The following USP31 variants were observed in gnomAD, a reference collection of about 807,000 sequenced individuals.
The protein encoded by USP31 is ubiquitin carboxyl-terminal hydrolase 31.
USP31 carries 44 observed loss-of-function variants against 119.4 expected under a neutral mutation model. The observed-to-expected ratio is 0.37, with a 90% CI of 0.29 to 0.47. USP31 has a LOEUF of 0.47. Among genes scored for constraint, USP31 ranks in the 20% least tolerant of loss-of-function variants. The probability of loss-of-function intolerance (pLI) is 0.99; values close to 1 mark genes in which losing one functional copy is unlikely to be tolerated. For missense variants in USP31, 1,643 were observed against 1,730.2 expected, an observed-to-expected ratio of 0.95 and a Z score of 0.89; for synonymous variants, 749 against 705.6, an observed-to-expected ratio of 1.06 and a Z score of -0.97.
At chr16:23,146,995 T>C (rs984216082) in intron 1 of USP31, among the ~76,000 whole-genome samples, 1 of 141,718 alleles carries the variant, frequency 7.1e-6, no homozygotes, top group Admixed American at 7.1e-5. Context: ...GGGTGGGGGG[T>C]GAACAAGAGG....
intron 14 of USP31, 101 bp from the exon 15 acceptor site, chr16:23,072,298 C>T (rs749470566): frequency 7.4e-6 from 11 of 1,481,106 alleles, no homozygotes; most frequent in East Asian, 2.5e-5. Flanking sequence ...AGCTGGGGGG[C>T]GTTGATGTCC....
intron 13 of USP31, 116 bp downstream of exon 13, chr16:23,079,830 G>A: frequency 1.0e-6 from 1 of 956,666 alleles, no homozygotes; most frequent in East Asian, 3.0e-5. Context: ...TGCCCTCACA[G>A]TTGGCACACT....
rs141616545 is a variant in USP31, at chr16:23,136,731, T to C, written c.633+11907A>G. 3.4e-3 allele frequency among the ~76,000 whole-genome samples: 519 copies of C among 152,070 alleles called. 1 individual carries two copies. Among genetic ancestry groups the C allele is most frequent in the Non-Finnish European group, 5.9e-3 (402 of 68,002 alleles). On this transcript the variant is annotated intron_variant, in intron 1 of 15. Coordinates refer to ENST00000219689, the MANE Select transcript of USP31 (RefSeq NM_020718.4). ...TGACAGAGTGGAAGGTAATAGCTGC[T>C]ATTCATATATCTGATAAGAAATTAA...
chr16:23,136,745 A>C (rs1276301734), intron 1 of USP31, among the ~76,000 whole-genome samples: 2 of 152,234 alleles, frequency 1.3e-5, no homozygotes. Context: ...CATATATCTG[A>C]TAAGAAATTA....
At chr16:23,131,285 G>C (rs1015392146) in intron 1 of USP31, among the ~76,000 whole-genome samples, 3 of 152,192 alleles carry the variant, frequency 2.0e-5, no homozygotes, top group Non-Finnish European at 4.4e-5. Flanking sequence ...CTGGGCGACA[G>C]AGCAAGACTG....
At position 23,097,003 on chromosome 16, in the gene USP31, G is replaced by T. The variant is rs1901640742; in HGVS notation, c.1234+5316C>A. 2.6e-5 allele frequency among the ~76,000 whole-genome samples: 4 copies of T among 151,962 alleles called. No homozygotes were observed. In the South Asian group the frequency reaches 8.3e-4, roughly 32 times the overall value. ...AAATAACTAAGATCAGAGGAGAACTGAAAGAGATAGAGACACAAAAAACCC... is the reference window on the plus strand; with the variant it reads ...AAATAACTAAGATCAGAGGAGAACTTAAAGAGATAGAGACACAAAAAACCC... On this transcript the variant is annotated intron_variant, in intron 6 of 15. Coordinates refer to ENST00000219689, the MANE Select transcript of USP31 (RefSeq NM_020718.4).
At chr16:23,069,661 C>T in intron 15 of USP31, 45 bp from the exon 16 acceptor site, 1 of 1,547,932 alleles carries the variant, frequency 6.5e-7, no homozygotes, top group Non-Finnish European at 8.7e-7. Flanking sequence ...CCAATGAAGA[C>T]ATTCTAACAA....
intron 1 of USP31, among the ~76,000 whole-genome samples, chr16:23,116,321 C>G (rs1902483194): frequency 1.3e-5 from 2 of 152,138 alleles, no homozygotes; most frequent in South Asian, 2.1e-4. Context: ...AAAGTGAAAT[C>G]TGGTTTATGG....
intron 6 of USP31, among the ~76,000 whole-genome samples, chr16:23,095,571 G>A (rs562452072): frequency 6.6e-6 from 1 of 152,208 alleles, no homozygotes; most frequent in African/African-American, 2.4e-5. Context: ...TTGAAATGAA[G>A]GAAAAAATGT....
intron 1 of USP31, among the ~76,000 whole-genome samples, chr16:23,144,605 G>A (rs937822921): frequency 2.6e-5 from 4 of 151,860 alleles, no homozygotes; most frequent in Non-Finnish European, 4.4e-5. Flanking sequence ...TCAGCCTCCC[G>A]AGTAGCTGGG....
intron 4 of USP31, 133 bp downstream of exon 4, chr16:23,106,080 G>A (rs551034574): frequency 5.9e-6 from 6 of 1,011,962 alleles, no homozygotes; most frequent in Non-Finnish European, 8.7e-6. Flanking sequence ...TAAGGTTGTA[G>A]CAATGACTGT....
chr16:23,143,847 T>C (rs139578056), intron 1 of USP31, among the ~76,000 whole-genome samples: 1 of 151,536 alleles, frequency 6.6e-6, no homozygotes. Flanking sequence ...GACAACCAAG[T>C]AGGGTTCCAG....
At chr16:23,086,951 A>G (rs1901134719) in intron 9 of USP31, 141 bp downstream of exon 9, 1 of 616,374 alleles carries the variant, frequency 1.6e-6, no homozygotes, top group Non-Finnish European at 2.8e-6. Flanking sequence ...GCACAAATCA[A>G]AAGTAAAATA....
rs766626455 is a variant in USP31, at chr16:23,069,246, C to T, written c.2859G>A (p.Ser953=). 1.6e-5 allele frequency: 26 copies of T among 1,613,894 alleles called. No individual in the cohort carries two copies. The Middle Eastern group carries it at 6.6e-4, about 41-fold the overall frequency. The change falls in exon 16 of 16, where the codon TCG becomes TCA. Residue 953 remains serine, a synonymous_variant. Coordinates refer to ENST00000219689, the MANE Select transcript of USP31 (RefSeq NM_020718.4). ...AVMEGVFKDE[S]DTRRLNSSVV... ...CACTGGAGTTCAATCTGCGGGTGTC[C>T]GATTCGTCTTTGAACACGCCTTCCA...
At chr16:23,101,225 T>G (rs1182760211) in intron 6 of USP31, among the ~76,000 whole-genome samples, 1 of 152,086 alleles carries the variant, frequency 6.6e-6, no homozygotes, top group Non-Finnish European at 1.5e-5. Flanking sequence ...GGCAGTAGAA[T>G]AAAGGGGAAA....
At chr16:23,082,333 C>T in intron 12 of USP31, 105 bp downstream of exon 12, 4 of 1,463,888 alleles carry the variant, frequency 2.7e-6, no homozygotes, top group Admixed American at 1.8e-5. Flanking sequence ...ACAGGACTCA[C>T]TGGATCAAAC....
chr16:23,135,137 T>TAAA (rs71151697), intron 1 of USP31, among the ~76,000 whole-genome samples: 1 of 127,840 alleles, frequency 7.8e-6, no homozygotes. Flanking sequence ...TTTCATGATT[T>TAAA]AAAAAAAAAA....
chr16:23,108,103 G>A lies in USP31; in HGVS notation c.714C>T (p.Asp238=), dbSNP rs370639559. The A allele has an allele frequency of 3.1e-6, 5 of 1,613,870 alleles. No individual in the cohort carries two copies. Among genetic ancestry groups the A allele is most frequent in the African/African-American group, 2.7e-5 (2 of 74,912 alleles). ...AATGGTTGAGGTCTTCATGAACTCG[G>A]TCCAAAAGCCACAGCAGAAACTCCT... is the stretch of plus-strand genomic sequence containing the variant. The part of the protein sequence containing the change: ...DAQEFLLWLL[D]RVHEDLNHSV... Residue 238 remains aspartate (D), a synonymous_variant, in exon 2 of 16, where the codon GAC becomes GAT. Transcript: ENST00000219689.
intron 12 of USP31, among the ~76,000 whole-genome samples, chr16:23,082,052 T>C (rs987732774): frequency 6.6e-6 from 1 of 152,220 alleles, no homozygotes; most frequent in African/African-American, 2.4e-5. Flanking sequence ...TTTCTTTGTA[T>C]TTATTTATGA....
Sources: gnomAD v4.1 joint callset for allele counts (sites outside exome capture counted in the v4.1 genomes callset) on GRCh38, gnomAD v4.1.1 for gene constraint, MANE v1.5 for transcripts, NCBI Gene and HGNC (gene_info 2026-07-23, HGNC 2026-07-21) for gene names.